Variants in CRX observed in about 807,000 individuals in gnomAD.
CRX encodes the protein cone-rod homeobox protein.
Under a neutral mutation model 13.1 loss-of-function variants are expected in CRX, and 5 were observed. The observed-to-expected ratio is 0.38, with a 90% confidence interval of 0.20 to 0.80. The LOEUF is 0.80. Ranked by LOEUF, CRX falls within the 30% of genes least tolerant of loss-of-function variation. The probability of loss-of-function intolerance (pLI) is 0.43; values close to 1 mark genes in which losing one functional copy is unlikely to be tolerated. For synonymous variants in CRX, 179 were observed against 171.1 expected, an observed-to-expected ratio of 1.05 and a Z score of -0.36; for missense variants, 351 against 391.8, an observed-to-expected ratio of 0.90 and a Z score of 0.88.
At chr19:47,831,288 CAG>C (rs1033074240) in intron 1 of CRX, among the ~76,000 whole-genome samples, 1 of 111,420 alleles carries the variant, frequency 9.0e-6, no homozygotes, top group African/African-American at 3.6e-5. Context: ...GCCTGGGCGA[CAG>C]AGCAAGACTC....
chr19:47,823,589 C>T (rs1238659516), intron 1 of CRX, among the ~76,000 whole-genome samples: 1 of 151,558 alleles, frequency 6.6e-6, no homozygotes, highest in Non-Finnish European at 1.5e-5. Flanking sequence ...AGGGAGGGCC[C>T]TGAATGTGGC....
chr19:47,839,296 C>A lies in CRX; in HGVS notation c.253-24C>A. 6.2e-7 allele frequency: 1 copy of A among 1,609,272 alleles called. No individual in the cohort carries two copies. Among genetic ancestry groups the A allele is most frequent in the South Asian group, 1.1e-5 (1 of 90,660 alleles). The stretch of plus-strand genomic sequence containing the variant: ...TGGGCCTCTTCCCCACTTACCCACC[C>A]CCATCTCCGCTCTTATCCCCCAGGT... On this transcript the variant is annotated intron_variant, in intron 3 of 3. Transcript: ENST00000221996. This position sits in a 1 kb window ranked among gnomAD's most constrained non-coding sequence, Gnocchi z 4.6.
rs71180891 is a variant in CRX, at chr19:47,832,105, G to GTTTTTTTTTTTTTTT, written c.-35-2300_-35-2286dup. ...AAATCAGTTCAGAGAGCAGCCTTAT[G>GTTTTTTTTTTTTTTT]TTTTTTTTTTTTTTTTTTGAGACGG... On this transcript the variant is annotated intron_variant, in intron 1 of 3. Coordinates refer to ENST00000221996, the MANE Select transcript of CRX (RefSeq NM_000554.6). Among the ~76,000 whole-genome samples the GTTTTTTTTTTTTTTT allele has an allele frequency of 3.7e-3, 343 of 91,958 alleles. 46 individuals are homozygous for GTTTTTTTTTTTTTTT. Among genetic ancestry groups the GTTTTTTTTTTTTTTT allele is most frequent in the Non-Finnish European group, 5.3e-3 (257 of 48,580 alleles). 60.3% of individuals were successfully genotyped at this position (91,958 alleles called of 152,430 possible).
intron 3 of CRX, among the ~76,000 whole-genome samples, chr19:47,836,703 C>A (rs1041747577): frequency 6.6e-6 from 1 of 152,096 alleles, no homozygotes; most frequent in Non-Finnish European, 1.5e-5. Context: ...TCGCCTTGTT[C>A]GAGTCTTTGC....
At chr19:47,824,460 TA>T (rs946132432) in intron 1 of CRX, among the ~76,000 whole-genome samples, 1 of 152,150 alleles carries the variant, frequency 6.6e-6, no homozygotes, top group African/African-American at 2.4e-5. Flanking sequence ...TCCTTCTCTG[TA>T]AAGTGGGGAT....
At chr19:47,822,453 A>AT (rs1406085900) in intron 1 of CRX, among the ~76,000 whole-genome samples, 1 of 152,086 alleles carries the variant, frequency 6.6e-6, no homozygotes, top group Admixed American at 6.6e-5. Context: ...TTGAGCACTG[A>AT]TTTTTCCCCA....
chr19:47,832,103 A>ATTTTTTTTTTTTTT (rs1968054388), intron 1 of CRX, among the ~76,000 whole-genome samples: 4 of 55,162 alleles, frequency 7.3e-5, no homozygotes, highest in African/African-American at 2.2e-4. Context: ...GAGCAGCCTT[A>ATTTTTTTTTTTTTT]TGTTTTTTTT....
rs1409350432 is a variant in CRX at position 47,843,054 on chromosome 19, A to T, written c.*3087A>T. On this transcript the variant is annotated 3_prime_UTR_variant, in exon 4 of 4. Coordinates refer to ENST00000221996, the MANE Select transcript of CRX (RefSeq NM_000554.6). ...GACTCCACCAGGAGCCGGAGAGGGC[A>T]GGGAGCCAAATCCAGCTAGGAGGTT... The T allele has an allele frequency of 1.3e-5, 2 of 152,340 alleles. No homozygotes were observed. Among genetic ancestry groups the T allele is most frequent in the African/African-American group, 4.8e-5 (2 of 41,448 alleles). The allele number at this position is 152,340 out of a possible 1,614,324, so 9.4% of individuals were successfully genotyped here.
intron 1 of CRX, among the ~76,000 whole-genome samples, chr19:47,823,294 C>T (rs1223061954): frequency 1.3e-5 from 2 of 152,154 alleles, no homozygotes; most frequent in African/African-American, 4.8e-5. Flanking sequence ...GACAGACTGC[C>T]ACAGAGAGGA....
At chr19:47,827,447 A>G (rs1967987080) in intron 1 of CRX, among the ~76,000 whole-genome samples, 2 of 149,940 alleles carry the variant, frequency 1.3e-5, no homozygotes, top group African/African-American at 4.9e-5. Context: ...AGATCCACAC[A>G]AATTCCTAGA....
rs2123743743 is a variant in CRX, at chr19:47,839,923, C to T, written c.856C>T (p.Leu286=). The T allele has an allele frequency of 3.7e-6, 6 of 1,614,102 alleles. No homozygotes were observed. Among genetic ancestry groups the T allele is most frequent in the Non-Finnish European group, 5.1e-6 (6 of 1,180,044 alleles). The change falls in exon 4 of 4, where the codon CTG becomes TTG. Residue 286 remains leucine, a synonymous_variant. Transcript: ENST00000221996. This position sits in a 1 kb window ranked among gnomAD's most constrained non-coding sequence, Gnocchi z 4.6. ...WKFTYNPMDP[L]DYKDQSAWKF... is the part of the protein sequence containing the mutation. ...ATTCACCTACAATCCCATGGACCCT[C>T]TGGACTACAAGGATCAGAGTGCCTG...
At chr19:47,824,363 G>A (rs1967949489) in intron 1 of CRX, among the ~76,000 whole-genome samples, 1 of 152,200 alleles carries the variant, frequency 6.6e-6, no homozygotes, top group Non-Finnish European at 1.5e-5. Flanking sequence ...GGAGGGCACC[G>A]GCTCCGGGGC....
At chr19:47,828,546 A>G (rs1968004086) in intron 1 of CRX, among the ~76,000 whole-genome samples, 1 of 152,088 alleles carries the variant, frequency 6.6e-6, no homozygotes, top group Non-Finnish European at 1.5e-5. Flanking sequence ...AGGGAGAGAG[A>G]TAGATAAACA....
intron 1 of CRX, among the ~76,000 whole-genome samples, chr19:47,824,416 A>T (rs974563245): frequency 6.6e-6 from 1 of 152,140 alleles, no homozygotes. Flanking sequence ...CGTGCGAGAC[A>T]GAACTGGAGA....
At chr19:47,832,112 T>TTTTTTTTTTTTTTTTTG (rs1968056461) in intron 1 of CRX, among the ~76,000 whole-genome samples, 1 of 135,116 alleles carries the variant, frequency 7.4e-6, no homozygotes, top group Non-Finnish European at 1.6e-5. Context: ...TATGTTTTTT[T>TTTTTTTTTTTTTTTTTG]TTTTTTTTTT....
Position 47,841,410 on chromosome 19 carries a change from T to C in CRX, c.*1443T>C, listed in dbSNP as rs1261965927. ...TCTAAAGGTGAGACACTGGTGGAAC[T>C]GGGGTAGCTGCTTGGGACGTACCAC... On this transcript the variant is annotated 3_prime_UTR_variant, in exon 4 of 4. Coordinates refer to ENST00000221996, the MANE Select transcript of CRX (RefSeq NM_000554.6). 1 of 152,124 alleles carries C rather than the reference T, an allele frequency of 6.6e-6. No homozygotes were observed. The highest frequency in any genetic ancestry group is 1.5e-5 in the Non-Finnish European group (1 of 68,024). The allele number at this position is 152,124 out of a possible 1,614,324, so 9.4% of individuals were successfully genotyped here.
chr19:47,829,708 C>T (rs1052085865), intron 1 of CRX, among the ~76,000 whole-genome samples: 1 of 151,998 alleles, frequency 6.6e-6, no homozygotes, highest in African/African-American at 2.4e-5. Context: ...TAGCTCACTG[C>T]AGTCTCCAAA....
chr19:47,834,992 T>C (rs1417349540), intron 2 of CRX, among the ~76,000 whole-genome samples: 1 of 151,186 alleles, frequency 6.6e-6, no homozygotes, highest in Non-Finnish European at 1.5e-5. Flanking sequence ...GGGGGCACTT[T>C]TTTTTTTTAA....
chr19:47,834,528 G>A lies in CRX; in HGVS notation c.85G>A (p.Ala29Thr). Residue 29 changes from alanine to threonine, a missense_variant, in exon 2 of 4, where the codon GCT (alanine) becomes ACT (threonine). By Grantham distance (58) the Ala-to-Thr change is moderately conservative. Around this residue, in one of 3 missense-constraint regions of CRX, gnomAD observed 95 missense variants for 106.7 expected, o/e 0.89. Coordinates refer to ENST00000221996, the MANE Select transcript of CRX (RefSeq NM_000554.6). ...CCCCAGTGTGGATCTGATGCACCAG[G>A]CTGTGCCCTACCCAAGTGAGTACAG... is the stretch of plus-strand genomic sequence containing the variant. ...SGPSVDLMHQAVPYPSAPRKQ... is the reference protein window; with the variant it reads ...SGPSVDLMHQTVPYPSAPRKQ... 8 of 1,613,766 alleles carry A rather than the reference G, an allele frequency of 5.0e-6. No individual in the cohort carries two copies. The highest frequency in any genetic ancestry group is 6.8e-6 in the Non-Finnish European group (8 of 1,179,902).
Sources: allele counts gnomAD v4.1 joint callset (sites outside exome capture counted in the v4.1 genomes callset), GRCh38; gene constraint gnomAD v4.1.1; regional missense constraint gnomAD v4.1.1; non-coding constraint Gnocchi (gnomAD v3.1); transcripts MANE v1.5; gene names NCBI Gene and HGNC (gene_info 2026-07-23, HGNC 2026-07-21).